KCNH8: variants seen among roughly 807,000 people sequenced by gnomAD.
The protein encoded by KCNH8 is voltage-gated delayed rectifier potassium channel KCNH8.
Under a neutral mutation model 103.6 loss-of-function variants are expected in KCNH8, and 70 were observed. The observed-to-expected ratio is 0.68, with a 90% CI of 0.56 to 0.82. The LOEUF is 0.82. Ranked by LOEUF, KCNH8 falls within the 40% of genes least tolerant of loss-of-function variation. KCNH8 has a pLI of 0.00. For synonymous variants in KCNH8, 498 were observed against 489.4 expected (o/e 1.02, Z -0.23); for missense variants, 1,217 against 1,329.9 (o/e 0.92, Z 1.32).
intron 11 of KCNH8, among the ~76,000 whole-genome samples, chr3:19,472,195 C>CGTGTGTGTGT (rs57766729): frequency 7.3e-6 from 1 of 137,392 alleles, no homozygotes; most frequent in Non-Finnish European, 1.6e-5. Flanking sequence ...TCACTTCATT[C>CGTGTGTGTGT]GTGTGTGTGT....
intron 1 of KCNH8, among the ~76,000 whole-genome samples, chr3:19,240,611 T>TAAA (rs1158986432): frequency 1.7e-5 from 2 of 114,564 alleles, no homozygotes; most frequent in Non-Finnish European, 3.8e-5. Context: ...AAACTCTGTC[T>TAAA]AAAAAAAAAA....
chr3:19,514,014 TTA>T (rs2068831742), intron 13 of KCNH8, among the ~76,000 whole-genome samples: 2 of 149,890 alleles, frequency 1.3e-5, no homozygotes, highest in African/African-American at 5.1e-5. Context: ...GTATTACTTT[TTA>T]TGTTTCATGT....
chr3:19,403,136 A>G (rs2066637632), intron 7 of KCNH8, among the ~76,000 whole-genome samples: 1 of 151,622 alleles, frequency 6.6e-6, no homozygotes, highest in Admixed American at 6.6e-5. Flanking sequence ...GCATTTATAA[A>G]TATCACAAAT....
chr3:19,504,015 T>C (rs1318978426), intron 11 of KCNH8, among the ~76,000 whole-genome samples: 2 of 152,042 alleles, frequency 1.3e-5, no homozygotes, highest in African/African-American at 4.8e-5. Flanking sequence ...TGGAACAGAA[T>C]TGAGAGTCCA....
At chr3:19,382,583 T>C (rs1278880474) in intron 5 of KCNH8, among the ~76,000 whole-genome samples, 1 of 152,144 alleles carries the variant, frequency 6.6e-6, no homozygotes, top group Non-Finnish European at 1.5e-5. Context: ...ATAATACTAT[T>C]AATATGTGAC....
intron 5 of KCNH8, among the ~76,000 whole-genome samples, chr3:19,352,414 A>G (rs1292942414): frequency 6.6e-6 from 1 of 152,178 alleles, no homozygotes. Flanking sequence ...CTCCACCCCA[A>G]ATCAACAGAA....
chr3:19,359,592 T>A (rs960712000), intron 5 of KCNH8, among the ~76,000 whole-genome samples: 4 of 151,988 alleles, frequency 2.6e-5, no homozygotes, highest in African/African-American at 9.7e-5. Flanking sequence ...GGCTGCCCTG[T>A]ATATTGCAAG....
intron 3 of KCNH8, among the ~76,000 whole-genome samples, chr3:19,331,836 A>G (rs1410861313): frequency 6.6e-6 from 1 of 152,128 alleles, no homozygotes; most frequent in Non-Finnish European, 1.5e-5. Context: ...ACTGGCTCCT[A>G]TTTATTCTAT....
At position 19,280,728 on chromosome 3, in the gene KCNH8, A is replaced by C. The variant is rs578172729; in HGVS notation, c.311-470A>C. On this transcript the variant is annotated intron_variant, in intron 2 of 15. Coordinates refer to ENST00000328405, the MANE Select transcript of KCNH8 (RefSeq NM_144633.3). The stretch of plus-strand genomic sequence containing the variant: ...TAAGTGGCTGTGCACGCTCCCCAAA[A>C]CTTGATACTTTTCACCTTTTTTATT... Among the ~76,000 whole-genome samples, 151 of 152,050 alleles carry C rather than the reference A, an allele frequency of 9.9e-4. 1 individual carries two copies. Among genetic ancestry groups the C allele is most frequent in the African/African-American group, 3.0e-3 (125 of 41,516 alleles).
At chr3:19,158,541 A>G (rs1204095228) in intron 1 of KCNH8, among the ~76,000 whole-genome samples, 1 of 151,856 alleles carries the variant, frequency 6.6e-6, no homozygotes, top group Non-Finnish European at 1.5e-5. Flanking sequence ...TGTGATGTTG[A>G]ACATTCATAT....
At chr3:19,339,006 T>A (rs1277687321) in intron 3 of KCNH8, among the ~76,000 whole-genome samples, 4 of 152,132 alleles carry the variant, frequency 2.6e-5, no homozygotes, top group African/African-American at 9.6e-5. Flanking sequence ...GATGTGTTTG[T>A]GGTTTATGTA....
chr3:19,177,076 A>C (rs918742627), intron 1 of KCNH8, among the ~76,000 whole-genome samples: 1 of 152,156 alleles, frequency 6.6e-6, no homozygotes, highest in Non-Finnish European at 1.5e-5. Flanking sequence ...TCTTAGCAAC[A>C]CTAGACAGTA....
intron 3 of KCNH8, among the ~76,000 whole-genome samples, chr3:19,294,458 G>A (rs372472988): frequency 3.3e-5 from 5 of 152,110 alleles, no homozygotes; most frequent in African/African-American, 7.2e-5. Flanking sequence ...TGCCTGATGA[G>A]AGAATTATTA....
intron 1 of KCNH8, among the ~76,000 whole-genome samples, chr3:19,239,081 G>A (rs2064101652): frequency 6.6e-6 from 1 of 152,186 alleles, no homozygotes; most frequent in South Asian, 2.1e-4. Context: ...TGATGATACT[G>A]TGTGTTTCAG....
intron 3 of KCNH8, among the ~76,000 whole-genome samples, chr3:19,340,533 A>T (rs2065646929): frequency 6.6e-6 from 1 of 152,034 alleles, no homozygotes; most frequent in Non-Finnish European, 1.5e-5. Context: ...TCAAATAATG[A>T]CTAAATATTT....
intron 7 of KCNH8, among the ~76,000 whole-genome samples, chr3:19,406,331 T>A (rs1424589677): frequency 6.6e-6 from 1 of 152,146 alleles, no homozygotes; most frequent in African/African-American, 2.4e-5. Context: ...AGCCATGAAC[T>A]TTCAATTTTG....
intron 5 of KCNH8, among the ~76,000 whole-genome samples, chr3:19,379,533 G>A (rs1232974187): frequency 4.6e-5 from 7 of 152,026 alleles, no homozygotes; most frequent in African/African-American, 1.4e-4. Context: ...CCAGCTGCTT[G>A]GGAGGCTGAG....
chr3:19,381,679 C>T (rs776618703), intron 5 of KCNH8, among the ~76,000 whole-genome samples: 1 of 150,558 alleles, frequency 6.6e-6, no homozygotes, highest in Non-Finnish European at 1.5e-5. Context: ...TTCACTACCA[C>T]GAGAATTGCT....
intron 15 of KCNH8, among the ~76,000 whole-genome samples, chr3:19,526,643 G>A (rs1402387861): frequency 5.3e-5 from 8 of 151,940 alleles, no homozygotes; most frequent in South Asian, 2.1e-4. Flanking sequence ...CACCAGTATC[G>A]CAGATAGATT....
Sources: gnomAD v4.1 joint callset for allele counts (sites outside exome capture counted in the v4.1 genomes callset) on GRCh38, gnomAD v4.1.1 for gene constraint, MANE v1.5 for transcripts, NCBI Gene and HGNC (gene_info 2026-07-23, HGNC 2026-07-21) for gene names.